The following SLIT2 variants were observed in gnomAD, a reference collection of about 807,000 sequenced individuals.
The protein encoded by SLIT2 is slit homolog 2 protein.
In SLIT2, 41 loss-of-function variants were observed where a neutral mutation model predicts 185.7. That is an observed-to-expected ratio of 0.22 (90% confidence interval 0.17 to 0.29). SLIT2 has a LOEUF of 0.29. Among genes scored for constraint, SLIT2 ranks in the 10% least tolerant of loss-of-function variants. The probability of loss-of-function intolerance (pLI) is 1.00; values close to 1 mark genes in which losing one functional copy is unlikely to be tolerated. For missense variants in SLIT2, 1,571 were observed against 1,909.0 expected, an observed-to-expected ratio of 0.82 and a Z score of 3.30; for synonymous variants, 693 against 680.2, an observed-to-expected ratio of 1.02 and a Z score of -0.29.
chr4:20,356,751 C>T (rs1341213126), intron 4 of SLIT2, among the ~76,000 whole-genome samples: 1 of 152,110 alleles, frequency 6.6e-6, no homozygotes, highest in Non-Finnish European at 1.5e-5. Context: ...TTTCAGTTGC[C>T]TGTGGCTGCT....
intron 4 of SLIT2, among the ~76,000 whole-genome samples, chr4:20,463,875 CAAAA>C (rs555271635): frequency 1.9e-4 from 20 of 106,432 alleles, no homozygotes; most frequent in Admixed American, 1.6e-3. Context: ...GACTTTGTCT[CAAAA>C]AAAAAAAAAA....
chr4:20,440,536 A>T (rs1416621886), intron 4 of SLIT2, among the ~76,000 whole-genome samples: 1 of 152,230 alleles, frequency 6.6e-6, no homozygotes, highest in East Asian at 1.9e-4. Context: ...CCCTAAAAAA[A>T]AAGCAACACT....
In SLIT2 at chr4:20,447,798, A is replaced by C. The variant is rs370882804; in HGVS notation, c.396-19954A>C. ...AACACACGGACACACGCAAGTGCCC[A>C]CATGAAAACAGTCAGTGAATGCAAA... is the stretch of plus-strand genomic sequence containing the variant. On this transcript the variant is annotated intron_variant, in intron 4 of 36. Transcript: ENST00000504154. 6.6e-5 allele frequency among the ~76,000 whole-genome samples: 10 copies of C among 152,368 alleles called. No individual in the cohort carries two copies. The East Asian group carries it at 1.2e-3, about 18-fold the overall frequency.
intron 22 of SLIT2, among the ~76,000 whole-genome samples, chr4:20,546,429 A>G (rs1723258534): frequency 6.6e-6 from 1 of 152,172 alleles, no homozygotes; most frequent in Non-Finnish European, 1.5e-5. Flanking sequence ...AAGGAAGGAA[A>G]GATAGAAAAC....
chr4:20,264,241 T>A (rs1367372837), intron 3 of SLIT2, among the ~76,000 whole-genome samples: 1 of 151,840 alleles, frequency 6.6e-6, no homozygotes, highest in East Asian at 1.9e-4. Context: ...ATAAAAACAT[T>A]TTTATAAGAG....
chr4:20,535,763 G>C (rs1722215135), intron 18 of SLIT2, among the ~76,000 whole-genome samples: 1 of 152,110 alleles, frequency 6.6e-6, no homozygotes, highest in South Asian at 2.1e-4. Flanking sequence ...TGAGCTGCCT[G>C]GTATCATTTT....
rs374506247 is a variant in SLIT2 at position 20,343,534 on chromosome 4, C to A, written c.395+74653C>A. On this transcript the variant is annotated intron_variant, in intron 4 of 36. Transcript: ENST00000504154. ...TTTTTTTTCTTGAGATTAAGTCTCACTCTGTCACCCAGGCTGGAGGGCACC... is the reference window on the plus strand; with the variant it reads ...TTTTTTTTCTTGAGATTAAGTCTCAATCTGTCACCCAGGCTGGAGGGCACC... Among the ~76,000 whole-genome samples the A allele has an allele frequency of 6.6e-5, 10 of 151,808 alleles. No homozygotes were observed. The East Asian group carries it at 1.9e-3, about 29-fold the overall frequency.
intron 4 of SLIT2, among the ~76,000 whole-genome samples, chr4:20,294,313 C>A (rs1357304917): frequency 6.6e-6 from 1 of 150,802 alleles, no homozygotes. Flanking sequence ...CACACCACTG[C>A]ACTCCATCCT....
At chr4:20,448,443 C>T (rs571601556) in intron 4 of SLIT2, among the ~76,000 whole-genome samples, 1 of 152,090 alleles carries the variant, frequency 6.6e-6, no homozygotes, top group East Asian at 1.9e-4. Flanking sequence ...GCCTCAGCCT[C>T]CCAAGTGGCT....
intron 33 of SLIT2, among the ~76,000 whole-genome samples, chr4:20,608,359 A>G (rs1264662747): frequency 2.6e-5 from 4 of 152,168 alleles, no homozygotes; most frequent in Non-Finnish European, 5.9e-5. Context: ...CCATTAGCCA[A>G]TGTTACTACT....
At chr4:20,327,832 A>G (rs1719725640) in intron 4 of SLIT2, among the ~76,000 whole-genome samples, 1 of 152,106 alleles carries the variant, frequency 6.6e-6, no homozygotes, top group South Asian at 2.1e-4. Context: ...ATTTCTGTCA[A>G]AGCAGAACCT....
In SLIT2 at chr4:20,594,475, G is replaced by A. The variant is rs182035844; in HGVS notation, c.3183-1222G>A. ...AACACTCTTGGAAGCCAATGTGTAA[G>A]CCTAATAAATCACAACAGGAGAGTG... is the stretch of plus-strand genomic sequence containing the variant. On this transcript the variant is annotated intron_variant, in intron 30 of 36. Coordinates refer to ENST00000504154, the MANE Select transcript of SLIT2 (RefSeq NM_004787.4). Among the ~76,000 whole-genome samples, 526 of 152,070 alleles carry A rather than the reference G, an allele frequency of 3.5e-3. 4 individuals are homozygous for A. The highest frequency in any genetic ancestry group is 0.012 in the African/African-American group (506 of 41,526).
At chr4:20,553,759 GTGTGTGTGTGTA>G in intron 25 of SLIT2, 34 bp from the exon 26 acceptor site, 1 of 1,190,460 alleles carries the variant, frequency 8.4e-7, no homozygotes, top group South Asian at 2.0e-5. Flanking sequence ...GTGTGTGTAT[GTGTGTGTGTGTA>G]TGTGTGTGTG....
At chr4:20,541,093 C>T (rs76886294) in intron 19 of SLIT2, among the ~76,000 whole-genome samples, 1,633 of 152,140 alleles carry the variant, frequency 0.011, 35 homozygotes, top group African/African-American at 0.038. Context: ...ATTATCAGTG[C>T]GAAGTTTGAC....
intron 24 of SLIT2, 74 bp from the exon 25 acceptor site, chr4:20,550,753 A>G (rs953683217): frequency 3.7e-5 from 32 of 869,598 alleles, no homozygotes; most frequent in Non-Finnish European, 5.7e-5. Context: ...TTATAAACTA[A>G]AGTCTCGGAA....
At chr4:20,601,259 C>T (rs1728388989) in intron 33 of SLIT2, among the ~76,000 whole-genome samples, 1 of 152,322 alleles carries the variant, frequency 6.6e-6, no homozygotes, top group African/African-American at 2.4e-5. Flanking sequence ...TATCAACTAA[C>T]TGTGTGTCTT....
Position 20,607,691 on chromosome 4 carries a change from T to C in SLIT2, c.3693-2322T>C, listed in dbSNP as rs141147634. On this transcript the variant is annotated intron_variant, in intron 33 of 36. Transcript: ENST00000504154. The stretch of plus-strand genomic sequence containing the variant: ...ATTGTACTGCATCAAACACCATCAT[T>C]GATGATGACATGACTGAATTGACTA... Among the ~76,000 whole-genome samples, 888 of 152,284 alleles carry C rather than the reference T, an allele frequency of 5.8e-3. 9 individuals carry two copies. The highest frequency in any genetic ancestry group is 0.024 in the Middle Eastern group (7 of 294).
At chr4:20,485,181 T>C (rs1421037740) in intron 6 of SLIT2, among the ~76,000 whole-genome samples, 3 of 152,184 alleles carry the variant, frequency 2.0e-5, no homozygotes, top group Non-Finnish European at 4.4e-5. Context: ...GGATAACTTC[T>C]ACCACTTTCT....
At chr4:20,412,204 T>TAA (rs548038361) in intron 4 of SLIT2, among the ~76,000 whole-genome samples, 17 of 146,454 alleles carry the variant, frequency 1.2e-4, no homozygotes, top group Non-Finnish European at 2.0e-4. Flanking sequence ...CTTGGTTAAT[T>TAA]AAAAAAAAAA....
Sources: allele counts gnomAD v4.1 joint callset (sites outside exome capture counted in the v4.1 genomes callset), GRCh38; gene constraint gnomAD v4.1.1; transcripts MANE v1.5; gene names NCBI Gene and HGNC (gene_info 2026-07-23, HGNC 2026-07-21).